XYLT2: variants seen among roughly 807,000 people sequenced by gnomAD.
XYLT2 encodes the protein UDP-D-xylose:proteoglycan core protein beta-D-xylosyltransferase.
XYLT2 carries 37 observed loss-of-function variants against 82.6 expected under a neutral mutation model. The observed-to-expected ratio is 0.45, with a 90% CI of 0.34 to 0.59. XYLT2 has a LOEUF of 0.59. Among genes scored for constraint, XYLT2 ranks in the 20% least tolerant of loss-of-function variants. XYLT2 has a pLI of 0.01. For synonymous variants in XYLT2, 474 were observed against 499.0 expected, an observed-to-expected ratio of 0.95 and a Z score of 0.67; for missense variants, 934 against 1,181.3, an observed-to-expected ratio of 0.79 and a Z score of 3.07.
Position 50,355,764 on chromosome 17 carries a change from C to A in XYLT2, c.1089-17C>A. The A allele has an allele frequency of 6.2e-7, 1 of 1,610,008 alleles. No homozygotes were observed. The highest frequency in any genetic ancestry group is 1.3e-5 in the African/African-American group (1 of 75,036). On this transcript the variant is annotated splice_polypyrimidine_tract_variant and intron_variant, in intron 5 of 10. Transcript: ENST00000017003. Reference sequence around the variant, plus strand: ...ACCCTGCAGGATCCCCAGCCATGGCCTCTCTGCTGCCCACAGGTTCATCAA... The same window carrying A: ...ACCCTGCAGGATCCCCAGCCATGGCATCTCTGCTGCCCACAGGTTCATCAA...
intron 1 of XYLT2, 149 bp from the exon 2 acceptor site, chr17:50,353,481 T>C: frequency 7.9e-7 from 1 of 1,262,556 alleles, no homozygotes; most frequent in South Asian, 1.6e-5. Context: ...TGGTACTGAT[T>C]GTGCGGAGTC....
intron 10 of XYLT2, 56 bp downstream of exon 10, chr17:50,358,596 G>C: frequency 6.6e-7 from 1 of 1,509,326 alleles, no homozygotes; most frequent in Non-Finnish European, 8.9e-7. Context: ...GGACTCGCCA[G>C]AGAGGTGACC....
chr17:50,358,375 A>G lies in XYLT2; in HGVS notation c.2110A>G (p.Thr704Ala). 7 of 1,614,042 alleles carry G rather than the reference A, an allele frequency of 4.3e-6. No homozygotes were observed. Among genetic ancestry groups the G allele is most frequent in the Non-Finnish European group, 5.1e-6 (6 of 1,180,022 alleles). Residue 704 changes from threonine (T) to alanine (A), a missense_variant, in exon 10 of 11, where the codon ACA becomes GCA. By Grantham distance (58) the Thr-to-Ala change is moderately conservative. This residue lies in a region of XYLT2 where 374 missense variants were observed against 465.6 expected (regional missense o/e 0.80). Coordinates refer to ENST00000017003, the MANE Select transcript of XYLT2 (RefSeq NM_022167.4). ...TYVVATSYDI[T>A]VDTETEVTQY... The stretch of plus-strand genomic sequence containing the variant: ...TGTGGTGGCCACATCTTATGACATC[A>G]CAGTAGATACGGAGACTGAGGTCAC...
chr17:50,353,065 C>T (rs895947841), intron 1 of XYLT2, among the ~76,000 whole-genome samples: 9 of 152,200 alleles, frequency 5.9e-5, no homozygotes, highest in African/African-American at 2.2e-4. Context: ...GATCTGCTTC[C>T]TAGAGGACCT....
In XYLT2 at chr17:50,358,422, C is replaced by T. The variant is rs542276424; in HGVS notation, c.2157C>T (p.Ser719=). 1.2e-6 allele frequency: 2 copies of T among 1,614,134 alleles called. No homozygotes were observed. Among genetic ancestry groups the T allele is most frequent in the East Asian group, 4.5e-5 (2 of 44,890 alleles). The part of the protein sequence containing the change: ...TEVTQYKPPL[S]RPLRPGPWTV... ...TCACGCAATACAAGCCCCCACTGAGCCGGCCCCTGCGGCCAGGGCCCTGGA... is the reference window on the plus strand; with the variant it reads ...TCACGCAATACAAGCCCCCACTGAGTCGGCCCCTGCGGCCAGGGCCCTGGA... Residue 719 remains serine (S), a synonymous_variant, in exon 10 of 11, where the codon AGC becomes AGT. Transcript: ENST00000017003.
intron 2 of XYLT2, 37 bp downstream of exon 2, chr17:50,354,159 G>A (rs1178980431): frequency 1.3e-6 from 2 of 1,598,030 alleles, no homozygotes; most frequent in Non-Finnish European, 1.7e-6. Flanking sequence ...TCCCAGGCGG[G>A]GGCAGGGGGG....
chr17:50,356,824 G>A, intron 8 of XYLT2, 51 bp downstream of exon 8: 4 of 1,559,556 alleles, frequency 2.6e-6, no homozygotes, highest in South Asian at 2.3e-5. Flanking sequence ...GGTGCCCTAG[G>A]GGGAGGCCAA....
At position 50,358,338 on chromosome 17, in the gene XYLT2, C is replaced by T. The variant is rs751189558; in HGVS notation, c.2073C>T (p.Ile691=). The part of the protein sequence containing the change: ...GPNLTATVVW[I]DPTYVVATSY... ...ACCTCACAGCCACAGTGGTCTGGATCGACCCAACCTATGTGGTGGCCACAT... is the reference window on the plus strand; with the variant it reads ...ACCTCACAGCCACAGTGGTCTGGATTGACCCAACCTATGTGGTGGCCACAT... Residue 691 remains isoleucine (I), a synonymous_variant, in exon 10 of 11, where the codon ATC becomes ATT. Transcript: ENST00000017003. 8.4e-5 allele frequency: 135 copies of T among 1,613,864 alleles called. No individual in the cohort carries two copies. Among genetic ancestry groups the T allele is most frequent in the Non-Finnish European group, 1.0e-4 (123 of 1,180,040 alleles).
chr17:50,356,395 A>G, intron 7 of XYLT2, 116 bp from the exon 8 acceptor site: 1 of 1,548,158 alleles, frequency 6.5e-7, no homozygotes, highest in Non-Finnish European at 8.8e-7. Flanking sequence ...CTGGGGCTAC[A>G]ACAGCAGCAG....
In XYLT2 at chr17:50,354,850, C is replaced by A; in HGVS notation, c.805-4C>A. The A allele has an allele frequency of 6.2e-7, 1 of 1,613,242 alleles. No homozygotes were observed. Among genetic ancestry groups the A allele is most frequent in the Non-Finnish European group, 8.5e-7 (1 of 1,179,906 alleles). On this transcript the variant is annotated splice_region_variant and splice_polypyrimidine_tract_variant and intron_variant, in intron 3 of 10. Coordinates refer to ENST00000017003, the MANE Select transcript of XYLT2 (RefSeq NM_022167.4). ...AGGCTAGCTGAGTGTCTCCTCCCCA[C>A]CAGCGTTCCGACTACCTGCACCGGG...
chr17:50,359,362 G>A (rs1389823628), intron 10 of XYLT2: 1 of 152,716 alleles, frequency 6.5e-6, no homozygotes, highest in Admixed American at 6.5e-5. Flanking sequence ...GTGATCAATT[G>A]GTAGGTGTTT....
chr17:50,357,321 C>A (rs753261473), intron 9 of XYLT2, 69 bp downstream of exon 9: 4 of 1,429,560 alleles, frequency 2.8e-6, no homozygotes, highest in Non-Finnish European at 3.7e-6. Context: ...AAGAGAGGGA[C>A]AGACACCAAG....
chr17:50,354,756 CTG>C (rs1912437298), intron 3 of XYLT2, 96 bp from the exon 4 acceptor site: 1 of 1,570,382 alleles, frequency 6.4e-7, no homozygotes, highest in Non-Finnish European at 8.7e-7. Context: ...GAGCCCTGCC[CTG>C]TGCTTTCCTC....
At chr17:50,357,869 C>A (rs895771553) in intron 9 of XYLT2, 1 of 271,794 alleles carries the variant, frequency 3.7e-6, no homozygotes. Context: ...CGCAAGCCAC[C>A]GCGCCTGGCC....
At chr17:50,358,627 G>A in intron 10 of XYLT2, 87 bp downstream of exon 10, 4 of 1,354,374 alleles carry the variant, frequency 3.0e-6, no homozygotes, top group South Asian at 2.9e-5. Flanking sequence ...AACCATCAGA[G>A]CTGACTCCCA....
chr17:50,356,822 A>AG (rs1456555925), intron 8 of XYLT2, 49 bp downstream of exon 8: 1 of 1,560,646 alleles, frequency 6.4e-7, no homozygotes, highest in South Asian at 1.2e-5. Flanking sequence ...GTGGTGCCCT[A>AG]GGGGGAGGCC....
Position 50,355,538 on chromosome 17 carries a change from C to A in XYLT2, c.1045C>A (p.Arg349=), listed in dbSNP as rs369645772. Residue 349 remains arginine (R), a synonymous_variant, in exon 5 of 11, where the codon CGG becomes AGG. Coordinates refer to ENST00000017003, the MANE Select transcript of XYLT2 (RefSeq NM_022167.4). ...EELVAFLSKN[R]DKNFLKSHGR... is the part of the protein sequence containing the mutation. ...GCTGGTGGCATTCCTATCCAAGAAC[C>A]GGGACAAGAATTTCCTCAAGTCACA... 1.8e-4 allele frequency: 291 copies of A among 1,614,082 alleles called. No homozygotes were observed. The highest frequency in any genetic ancestry group is 2.2e-4 in the Non-Finnish European group (265 of 1,180,012).
intron 9 of XYLT2, 124 bp downstream of exon 9, chr17:50,357,376 G>GC (rs1484333533): frequency 1.0e-6 from 1 of 989,442 alleles, no homozygotes; most frequent in Admixed American, 2.9e-5. Flanking sequence ...CCATGGTGAT[G>GC]CCCCCATGCA....
In XYLT2 at chr17:50,346,390, G is replaced by T; in HGVS notation, c.135+115G>T. 2.1e-6 allele frequency: 2 copies of T among 974,854 alleles called. No individual in the cohort carries two copies. Among genetic ancestry groups the T allele is most frequent in the South Asian group, 4.6e-5 (1 of 21,870 alleles). The allele number at this position is 974,854 out of a possible 1,614,324, so 60.4% of individuals were successfully genotyped here. On this transcript the variant is annotated intron_variant, in intron 1 of 10. Coordinates refer to ENST00000017003, the MANE Select transcript of XYLT2 (RefSeq NM_022167.4). This position sits in a 1 kb window ranked among gnomAD's most constrained non-coding sequence, Gnocchi z 5.1. ...GGGCACGGGCCGCGTGCGTGCGTGCGGGGCGCCGGCGGTCGCCCAGAGCGG... is the reference window on the plus strand; with the variant it reads ...GGGCACGGGCCGCGTGCGTGCGTGCTGGGCGCCGGCGGTCGCCCAGAGCGG...
Sources: gnomAD v4.1 joint callset for allele counts (sites outside exome capture counted in the v4.1 genomes callset) on GRCh38, gnomAD v4.1.1 for gene constraint, gnomAD v4.1.1 regional missense constraint, Gnocchi (gnomAD v3.1) non-coding constraint, MANE v1.5 for transcripts, NCBI Gene and HGNC (gene_info 2026-07-23, HGNC 2026-07-21) for gene names.